Variants in CYRIB observed in about 807,000 individuals in gnomAD.
CYRIB encodes CYFIP related Rac1 interactor B.
A neutral mutation model predicts 44.2 loss-of-function variants in CYRIB; 8 were observed. The observed-to-expected ratio is 0.18, with a 90% CI of 0.11 to 0.33. The LOEUF is 0.33. Ranked by LOEUF, CYRIB falls within the 10% of genes least tolerant of loss-of-function variation. CYRIB has a pLI of 1.00. For missense variants in CYRIB, 185 were observed against 382.8 expected (o/e 0.48, Z 4.31); for synonymous variants, 131 against 127.2 (o/e 1.03, Z -0.20).
chr8:130,005,110 T>C (rs1018868190), intron 1 of CYRIB, among the ~76,000 whole-genome samples: 3 of 152,206 alleles, frequency 2.0e-5, no homozygotes, highest in Admixed American at 1.3e-4. Flanking sequence ...TGCTGACTTC[T>C]GAACTTCACA....
intron 1 of CYRIB, among the ~76,000 whole-genome samples, chr8:129,995,757 CCAGT>C (rs1411728097): frequency 6.6e-6 from 1 of 152,228 alleles, no homozygotes; most frequent in Non-Finnish European, 1.5e-5. Flanking sequence ...ATACTTCCTC[CCAGT>C]CAGTTACCTC....
chr8:129,937,706 C>T (rs1321297448), intron 1 of CYRIB, among the ~76,000 whole-genome samples: 1 of 152,186 alleles, frequency 6.6e-6, no homozygotes, highest in Non-Finnish European at 1.5e-5. Context: ...CAACCAACCA[C>T]TTTCTTGGGA....
exon 4 of CYRIB, chr8:129,871,392 C>G (rs1487560947): frequency 6.2e-7 from 1 of 1,606,160 alleles, no homozygotes; most frequent in Non-Finnish European, 8.5e-7. Context: ...ATTTCGTGGC[C>G]AGCTCCTCTG....
At chr8:129,941,502 G>A (rs1564279292), upstream of CYRIB, among the ~76,000 whole-genome samples, 4 of 151,972 alleles carry the variant, frequency 2.6e-5, no homozygotes, top group Admixed American at 6.6e-5. Context: ...CCGAACTCCT[G>A]AGCTCAGGCA....
intron 1 of CYRIB, among the ~76,000 whole-genome samples, 163 bp downstream of exon 1, chr8:130,016,207 C>T (rs972736199): frequency 6.8e-6 from 1 of 147,306 alleles, no homozygotes; most frequent in African/African-American, 2.4e-5. Flanking sequence ...CCCTGTCCAC[C>T]CGCCGCAGCG....
intron 1 of CYRIB, among the ~76,000 whole-genome samples, chr8:129,915,977 G>C (rs1210428250): frequency 6.6e-6 from 1 of 151,898 alleles, no homozygotes; most frequent in Non-Finnish European, 1.5e-5. Flanking sequence ...TTCAATAAAA[G>C]AAAAAAGCCC....
chr8:129,967,810 T>TAAGGATTGG (rs1238137500), intron 2 of CYRIB, among the ~76,000 whole-genome samples: 1 of 152,234 alleles, frequency 6.6e-6, no homozygotes, highest in African/African-American at 2.4e-5. Flanking sequence ...TCTTGGAACC[T>TAAGGATTGG]AAGGATTGGA....
At chr8:129,915,715 C>T (rs1316177695) in intron 1 of CYRIB, among the ~76,000 whole-genome samples, 1 of 152,170 alleles carries the variant, frequency 6.6e-6, no homozygotes, top group Non-Finnish European at 1.5e-5. Flanking sequence ...CATGGACCAT[C>T]TGCATCTGCC....
At chr8:129,915,631 T>C (rs1403343497) in intron 1 of CYRIB, among the ~76,000 whole-genome samples, 1 of 152,132 alleles carries the variant, frequency 6.6e-6, no homozygotes, top group Non-Finnish European at 1.5e-5. Flanking sequence ...TTGATTGTGG[T>C]GATGGTTTCA....
At chr8:130,004,559 C>G (rs1182263832) in intron 1 of CYRIB, 1 of 152,046 alleles carries the variant, frequency 6.6e-6, no homozygotes, top group Non-Finnish European at 1.5e-5. Context: ...TGTGGGAAAA[C>G]TAGAAAGCCT....
chr8:129,869,406 C>CAAAAAAAAAAAAAAAAAAAAAAAAA (rs1180474047), intron 4 of CYRIB, among the ~76,000 whole-genome samples: 1 of 128,416 alleles, frequency 7.8e-6, no homozygotes. Context: ...AAAAAAAAAT[C>CAAAAAAAAAAAAAAAAAAAAAAAAA]AAACAGGTAA....
intron 2 of CYRIB, among the ~76,000 whole-genome samples, chr8:129,887,788 C>T (rs1465314056): frequency 6.6e-6 from 1 of 152,220 alleles, no homozygotes; most frequent in Non-Finnish European, 1.5e-5. Context: ...GTGTATCAGG[C>T]TTAAAGCCCC....
At chr8:129,885,445 G>A (rs1329673602) in intron 2 of CYRIB, among the ~76,000 whole-genome samples, 1 of 152,194 alleles carries the variant, frequency 6.6e-6, no homozygotes, top group Non-Finnish European at 1.5e-5. Flanking sequence ...CCAGTGAGAA[G>A]GAAGGGGAAG....
At chr8:129,992,872 G>A (rs766797520) in intron 1 of CYRIB, among the ~76,000 whole-genome samples, 28 of 152,218 alleles carry the variant, frequency 1.8e-4, no homozygotes, top group Admixed American at 1.2e-3. Context: ...GACAGCTGCT[G>A]TGACTAAGCG....
intron 1 of CYRIB, among the ~76,000 whole-genome samples, chr8:129,978,033 C>T (rs933054529): frequency 2.0e-5 from 3 of 152,116 alleles, no homozygotes; most frequent in African/African-American, 4.8e-5. Flanking sequence ...CTTAAGCTCC[C>T]GAGTAGCTGG....
chr8:129,852,637 C>T (rs2043924762), intron 7 of CYRIB, among the ~76,000 whole-genome samples: 1 of 151,938 alleles, frequency 6.6e-6, no homozygotes, highest in South Asian at 2.1e-4. Context: ...GGTGATAACA[C>T]AAAAAGGGAG....
At chr8:129,967,240 T>A (rs1359667679) in intron 2 of CYRIB, among the ~76,000 whole-genome samples, 1 of 152,222 alleles carries the variant, frequency 6.6e-6, no homozygotes, top group Non-Finnish European at 1.5e-5. Flanking sequence ...TTCAGTGGCA[T>A]CATGTTGGTA....
chr8:129,900,102 G>A (rs1434814622), intron 2 of CYRIB, among the ~76,000 whole-genome samples: 2 of 152,178 alleles, frequency 1.3e-5, no homozygotes, highest in Non-Finnish European at 2.9e-5. Flanking sequence ...TAAAGGGTTT[G>A]TGAAATGACT....
At chr8:129,977,699 T>G (rs1236658890) in intron 1 of CYRIB, among the ~76,000 whole-genome samples, 1 of 151,770 alleles carries the variant, frequency 6.6e-6, no homozygotes, top group Non-Finnish European at 1.5e-5. Flanking sequence ...GCCCGGCTAA[T>G]TTTTTTGTAT....
Sources: gnomAD v4.1 joint callset for allele counts (sites outside exome capture counted in the v4.1 genomes callset) on GRCh38, gnomAD v4.1.1 for gene constraint, MANE v1.5 for transcripts, NCBI Gene and HGNC (gene_info 2026-07-23, HGNC 2026-07-21) for gene names.